ZFP57: variants seen among roughly 807,000 people sequenced by gnomAD.
ZFP57 encodes the protein ZFP57 zinc finger protein.
In ZFP57, 12 loss-of-function variants were observed where a neutral mutation model predicts 15.8. The observed-to-expected ratio is 0.76, with a 90% confidence interval of 0.49 to 1.23. ZFP57 has a LOEUF of 1.23. Ranked by LOEUF, ZFP57 falls within the 50% of genes most tolerant of loss-of-function variation. The pLI, the probability that ZFP57 is intolerant of heterozygous loss-of-function variation, is 0.00. For missense variants in ZFP57, 536 were observed against 654.9 expected (o/e 0.82, Z 1.98); for synonymous variants, 203 against 242.3 (o/e 0.84, Z 1.51).
chr6:29,675,844 A>G, intron 3 of ZFP57, 89 bp downstream of exon 3: 1 of 1,540,320 alleles, frequency 6.5e-7, no homozygotes, highest in Non-Finnish European at 9.0e-7. Flanking sequence ...CAGTGAAACT[A>G]ATTGTAAGCT....
chr6:29,672,893 G>A lies in ZFP57; in HGVS notation c.1218C>T (p.His406=). The change falls in exon 5 of 5, where the codon CAC becomes CAT. Residue 406 remains histidine, a synonymous_variant. Coordinates refer to ENST00000376883, the MANE Select transcript of ZFP57 (RefSeq NM_001109809.5). The part of the protein sequence containing the change: ...KSYLSRHQKA[H]LTEPPNYCFH... ...AGCAGTAGTTGGGCGGCTCTGTGAG[G>A]TGGGCCTTCTGGTGTCTGGAGAGAT... 8.1e-6 allele frequency: 13 copies of A among 1,613,102 alleles called. No homozygotes were observed. The highest frequency in any genetic ancestry group is 1.1e-5 in the Non-Finnish European group (13 of 1,180,034).
chr6:29,673,274 C>T lies in ZFP57; in HGVS notation c.837G>A (p.Lys279=). 6.2e-7 allele frequency: 1 copy of T among 1,613,062 alleles called. No individual in the cohort carries two copies. The highest frequency in any genetic ancestry group is 8.5e-7 in the Non-Finnish European group (1 of 1,180,042). ...RDQSELKRHQ[K]IHQNQEPVDG... is the part of the protein sequence containing the mutation. ...CCACTGGCTCCTGGTTTTGGTGTAT[C>T]TTCTGGTGGCGTTTGAGCTCAGACT... Residue 279 remains lysine (K), a synonymous_variant, in exon 5 of 5, where the codon AAG becomes AAA. Coordinates refer to ENST00000376883, the MANE Select transcript of ZFP57 (RefSeq NM_001109809.5). This position sits in a 1 kb window ranked among gnomAD's most constrained non-coding sequence, Gnocchi z 4.7.
At chr6:29,678,725 A>G (rs2127549275) in intron 1 of ZFP57, among the ~76,000 whole-genome samples, 1 of 152,320 alleles carries the variant, frequency 6.6e-6, no homozygotes, top group Non-Finnish European at 1.5e-5. Context: ...ATTATTATGT[A>G]TGTATAGAAA....
intron 4 of ZFP57, among the ~76,000 whole-genome samples, chr6:29,674,126 A>AAGAAGAAGGAGAAGG: frequency 6.6e-6 from 1 of 151,662 alleles, no homozygotes; most frequent in South Asian, 2.1e-4. Flanking sequence ...GAAAAAGAAG[A>AAGAAGAAGGAGAAGG]AGAAGAAGGA....
In ZFP57 at chr6:29,672,607, C is replaced by G; in HGVS notation, c.1504G>C (p.Asp502His). ...GTATGGATCCTGGGGGGAGATTGAT[C>G]ACCTCCATGCTTCCATTCCTCCCCA... ...MAGEEWKHGG[D>H]QSPPRIHTPR... The change falls in exon 5 of 5, where the codon GAT becomes CAT. Residue 502 changes from aspartate (D) to histidine (H), a missense_variant. Asp to His is a moderately conservative substitution (Grantham distance 81). Coordinates refer to ENST00000376883, the MANE Select transcript of ZFP57 (RefSeq NM_001109809.5). 6.2e-7 allele frequency: 1 copy of G among 1,611,380 alleles called. No individual in the cohort carries two copies. Among genetic ancestry groups the G allele is most frequent in the Non-Finnish European group, 8.5e-7 (1 of 1,178,710 alleles).
chr6:29,672,392 T>G, downstream of ZFP57: 1 of 1,190,202 alleles, frequency 8.4e-7, no homozygotes, highest in Non-Finnish European at 1.2e-6. Context: ...TTTTATGTAT[T>G]TCCTTCCTTA....
At position 29,673,945 on chromosome 6, in the gene ZFP57, T is replaced by C. The variant is rs566775113; in HGVS notation, c.353-187A>G. 6.6e-6 allele frequency among the ~76,000 whole-genome samples: 1 copy of C among 151,968 alleles called. No individual in the cohort carries two copies. The highest frequency in any genetic ancestry group is 1.9e-4 in the East Asian group (1 of 5,176). On this transcript the variant is annotated intron_variant, in intron 4 of 4. Coordinates refer to ENST00000376883, the MANE Select transcript of ZFP57 (RefSeq NM_001109809.5). This position sits in a 1 kb window ranked among gnomAD's most constrained non-coding sequence, Gnocchi z 4.7. ...CCTGTCTCTACTACAAATACAAAAA[T>C]TAGCTGGGCGTCATGGCATCTGCCT...
In ZFP57 at chr6:29,676,928, G is replaced by A. The variant is rs890299103; in HGVS notation, c.76C>T (p.Gln26Ter). 3 of 1,614,062 alleles carry A rather than the reference G, an allele frequency of 1.9e-6. No individual in the cohort carries two copies. The highest frequency in any genetic ancestry group is 2.5e-6 in the Non-Finnish European group (3 of 1,180,024). Residue 26 changes from glutamine (Q) to a stop codon, truncating the protein, a stop_gained, in exon 2 of 5, where the codon CAG (glutamine) becomes TAG (stop). Transcript: ENST00000376883. LOFTEE classifies it high-confidence loss of function. ...PWVGEVAATLQEAMKRDCWRE... is the reference protein window; with the variant it reads ...PWVGEVAATL The stretch of plus-strand genomic sequence containing the variant: ...CAGCAATCTCTCTTCATGGCTTCCT[G>A]CAGGGTGGCAGCTACCTCGCCCACC...
Position 29,673,994 on chromosome 6 carries a change from T to C in ZFP57, c.353-236A>G, listed in dbSNP as rs115804475. ...CTGTAATCTCAGCTACTAGGGAGAC[T>C]GAGGCAGGACAATCACTCGAACCCG... On this transcript the variant is annotated intron_variant, in intron 4 of 4. Transcript: ENST00000376883. This position sits in a 1 kb window ranked among gnomAD's most constrained non-coding sequence, Gnocchi z 4.7. 0.023 allele frequency among the ~76,000 whole-genome samples: 3,454 copies of C among 151,748 alleles called. 43 individuals are homozygous for C. The highest frequency in any genetic ancestry group is 0.037 in the Admixed American group (560 of 15,196).
rs1562218757 is a variant in ZFP57, at chr6:29,672,592, T to C, written c.1519A>G (p.Arg507Gly). ...WKHGGDQSPPRIHTPRRRGLR... is the reference protein window; with the variant it reads ...WKHGGDQSPPGIHTPRRRGLR... ...CCTCTTCTCCTGGGGGTATGGATCC[T>C]GGGGGGAGATTGATCACCTCCATGC... Residue 507 changes from arginine to glycine, a missense_variant, in exon 5 of 5, where the codon AGG (arginine) becomes GGG (glycine). Transcript: ENST00000376883. 1 of 1,612,334 alleles carries C rather than the reference T, an allele frequency of 6.2e-7. No homozygotes were observed. The highest frequency in any genetic ancestry group is 1.1e-5 in the South Asian group (1 of 91,074).
chr6:29,675,993 T>C lies in ZFP57; in HGVS notation c.190A>G (p.Ser64Gly), dbSNP rs1218225400. The change falls in exon 3 of 5, where the codon AGC becomes GGC. Residue 64 changes from serine (S) to glycine (G), a missense_variant. Transcript: ENST00000376883. ...TQEEWDCLDA[S>G]QRVLYQDVMS... Reference sequence around the variant, plus strand: ...ACATCCTGGTAAAGGACCCTCTGGCTGGCATCTAGACAGTCCCACTCTTCC... The same window carrying C: ...ACATCCTGGTAAAGGACCCTCTGGCCGGCATCTAGACAGTCCCACTCTTCC... The C allele has an allele frequency of 3.1e-6, 5 of 1,613,534 alleles. No individual in the cohort carries two copies. Among genetic ancestry groups the C allele is most frequent in the Middle Eastern group, 1.7e-4 (1 of 6,044 alleles).
At position 29,672,544 on chromosome 6, in the gene ZFP57, C is replaced by T. The variant is rs745482780; in HGVS notation, c.1567G>A (p.Gly523Arg). ...CTCACTGCCTCCTTTGTTTTGTCTC[C>T]TTTGCAGGCCTTCTCTCTTAGGCCT... ...RRGLREKACK[G>R]DKTKEAVSIL... Residue 523 changes from glycine (G) to arginine (R), a missense_variant, in exon 5 of 5, where the codon GGA (glycine) becomes AGA (arginine). Physicochemically the swap from Gly to Arg is moderately radical, Grantham distance 125. Coordinates refer to ENST00000376883, the MANE Select transcript of ZFP57 (RefSeq NM_001109809.5). 1.1e-5 allele frequency: 17 copies of T among 1,612,846 alleles called. No homozygotes were observed. Among genetic ancestry groups the T allele is most frequent in the Non-Finnish European group, 1.4e-5 (17 of 1,180,024 alleles).
downstream of ZFP57, chr6:29,672,424 A>C (rs1389144156): frequency 6.4e-7 from 1 of 1,556,806 alleles, no homozygotes; most frequent in Non-Finnish European, 8.8e-7. Context: ...GTCTCCCTCT[A>C]CTCCAGCCTC....
chr6:29,680,775 C>T (rs942643315), intron 1 of ZFP57, among the ~76,000 whole-genome samples: 2 of 152,184 alleles, frequency 1.3e-5, no homozygotes, highest in African/African-American at 4.8e-5. Flanking sequence ...ACTACCTTCC[C>T]CGATGCCCAT....
intron 1 of ZFP57, among the ~76,000 whole-genome samples, chr6:29,678,476 C>T (rs540899358): frequency 5.0e-4 from 76 of 152,018 alleles, no homozygotes; most frequent in Admixed American, 1.6e-3. Flanking sequence ...AGAGTAGAGA[C>T]GCTGGAAATT....
rs1181136742 is a variant in ZFP57 at position 29,672,661 on chromosome 6, C to T, written c.1450G>A (p.Gly484Ser). ...ATAGTGGGGACATCATGAGAGAAGCCAAGCCACTGGCCCAGGATCACCCGG... is the reference window on the plus strand; with the variant it reads ...ATAGTGGGGACATCATGAGAGAAGCTAAGCCACTGGCCCAGGATCACCCGG... ...KCRVILGQWLGFSHDVPTMAG... is the reference protein window; with the variant it reads ...KCRVILGQWLSFSHDVPTMAG... The change falls in exon 5 of 5, where the codon GGC becomes AGC. Residue 484 changes from glycine to serine, a missense_variant. By Grantham distance (56) the Gly-to-Ser change is moderately conservative. Transcript: ENST00000376883. 8 of 1,611,274 alleles carry T rather than the reference C, an allele frequency of 5.0e-6. No individual in the cohort carries two copies. Among genetic ancestry groups the T allele is most frequent in the Admixed American group, 1.7e-5 (1 of 59,972 alleles).
Position 29,672,800 on chromosome 6 carries a change from C to G in ZFP57, c.1311G>C (p.Gln437His). The stretch of plus-strand genomic sequence containing the variant: ...CACAGATAGGGCAAAGGTAGCTCTT[C>G]TGCTTCCAGTGGGTCTGCTGGTGTC... ...LVRHQQTHWK[Q>H]KSYLCPICDL... The change falls in exon 5 of 5, where the codon CAG (glutamine) becomes CAC (histidine). Residue 437 changes from glutamine (Q) to histidine (H), a missense_variant. Transcript: ENST00000376883. The G allele has an allele frequency of 6.2e-7, 1 of 1,613,096 alleles. No homozygotes were observed. Among genetic ancestry groups the G allele is most frequent in the South Asian group, 1.1e-5 (1 of 91,090 alleles).
At chr6:29,680,214 G>C (rs1349634005) in intron 1 of ZFP57, among the ~76,000 whole-genome samples, 5 of 152,112 alleles carry the variant, frequency 3.3e-5, no homozygotes, top group African/African-American at 1.2e-4. Context: ...GGCCGCCTGC[G>C]GGCTTATCTG....
Position 29,673,054 on chromosome 6 carries a change from G to A in ZFP57, c.1057C>T (p.Pro353Ser). Reference sequence around the variant, plus strand: ...ATGGGTGCCTGGGTCCTGGTCACAGGTGCTTGGTTCTTAAGTACAGATGCC... The same window carrying A: ...ATGGGTGCCTGGGTCCTGGTCACAGATGCTTGGTTCTTAAGTACAGATGCC... ...NQASVLKNQA[P>S]VTRTQAPITG... is the part of the protein sequence containing the mutation. Residue 353 changes from proline (P) to serine (S), a missense_variant, in exon 5 of 5, where the codon CCT (proline) becomes TCT (serine). Pro to Ser is a moderately conservative substitution (Grantham distance 74). Coordinates refer to ENST00000376883, the MANE Select transcript of ZFP57 (RefSeq NM_001109809.5). The surrounding 1 kb of genome is among the most constrained non-coding windows in gnomAD (Gnocchi z 4.7). 1.9e-6 allele frequency: 3 copies of A among 1,613,014 alleles called. No individual in the cohort carries two copies. Among genetic ancestry groups the A allele is most frequent in the South Asian group, 1.1e-5 (1 of 91,082 alleles).
Sources: allele counts gnomAD v4.1 joint callset (sites outside exome capture counted in the v4.1 genomes callset), GRCh38; gene constraint gnomAD v4.1.1; non-coding constraint Gnocchi (gnomAD v3.1); transcripts MANE v1.5; gene names NCBI Gene and HGNC (gene_info 2026-07-23, HGNC 2026-07-21).